Variants in FANCC observed in about 807,000 individuals in gnomAD.
FANCC encodes the protein Fanconi anemia group C protein.
Under a neutral mutation model 71.3 loss-of-function variants are expected in FANCC, and 55 were observed. That is an observed-to-expected ratio of 0.77 (90% confidence interval 0.62 to 0.97). The LOEUF is 0.97. Ranked by LOEUF, FANCC falls within the 50% of genes least tolerant of loss-of-function variation. FANCC has a pLI of 0.00. For missense variants in FANCC, 678 were observed against 670.9 expected, an observed-to-expected ratio of 1.01 and a Z score of -0.12; for synonymous variants, 275 against 244.9, an observed-to-expected ratio of 1.12 and a Z score of -1.15.
intron 6 of FANCC, among the ~76,000 whole-genome samples, chr9:95,162,416 TG>T (rs959826061): frequency 6.6e-6 from 1 of 152,242 alleles, no homozygotes; most frequent in Non-Finnish European, 1.5e-5. Context: ...TCAATGAACA[TG>T]GGTGTGCAAA....
chr9:95,177,068 G>A (rs1564725531), intron 4 of FANCC, among the ~76,000 whole-genome samples: 1 of 152,214 alleles, frequency 6.6e-6, no homozygotes, highest in Non-Finnish European at 1.5e-5. Flanking sequence ...GTATCACTTA[G>A]CAACTGGGAT....
In FANCC at chr9:95,125,165, T is replaced by A. The variant is rs1383010376; in HGVS notation, c.917A>T (p.Asp306Val). 1.2e-6 allele frequency: 2 copies of A among 1,614,056 alleles called. No individual in the cohort carries two copies. Among genetic ancestry groups the A allele is most frequent in the African/African-American group, 2.7e-5 (2 of 74,924 alleles). Residue 306 changes from aspartate (D) to valine (V), a missense_variant, in exon 10 of 15, where the codon GAT (aspartate) becomes GTT (valine). Asp to Val is a radical substitution (Grantham distance 152). Transcript: ENST00000289081. ...AGTGGCTATGATTTCCAGGGCCCCATCGGTTTCCAGGAGTGCACACCTGAA... is the reference window on the plus strand; with the variant it reads ...AGTGGCTATGATTTCCAGGGCCCCAACGGTTTCCAGGAGTGCACACCTGAA... Reference protein sequence around the residue: ...EMFRCALLETDGALEIIATIQ... With the variant: ...EMFRCALLETVGALEIIATIQ...
intron 1 of FANCC, among the ~76,000 whole-genome samples, chr9:95,260,665 T>C (rs965713789): frequency 7.0e-6 from 1 of 143,608 alleles, no homozygotes; most frequent in African/African-American, 2.6e-5. Context: ...ATTCTGCACA[T>C]GTATCTCAGA....
rs760818214 is a variant in FANCC at position 95,135,516 on chromosome 9, A to T, written c.687-14T>A. The T allele has an allele frequency of 4.3e-6, 7 of 1,612,838 alleles. No individual in the cohort carries two copies. The East Asian group carries it at 1.6e-4, about 36-fold the overall frequency. On this transcript the variant is annotated splice_polypyrimidine_tract_variant and intron_variant, in intron 7 of 14. Transcript: ENST00000289081. Reference sequence around the variant, plus strand: ...GAAATCTTCTTCCTTTCAGAAAGAAATAAACAAAATTTTAAACAGAAATGG... The same window carrying T: ...GAAATCTTCTTCCTTTCAGAAAGAATTAAACAAAATTTTAAACAGAAATGG...
chr9:95,300,358 AAAT>A (rs1834646360), intron 1 of FANCC, among the ~76,000 whole-genome samples: 1 of 152,230 alleles, frequency 6.6e-6, no homozygotes, highest in Non-Finnish European at 1.5e-5. Context: ...TTTAAGCCAA[AAAT>A]AATAAAAAGG....
chr9:95,211,152 G>A (rs1828470640), intron 4 of FANCC, among the ~76,000 whole-genome samples: 1 of 152,182 alleles, frequency 6.6e-6, no homozygotes, highest in Non-Finnish European at 1.5e-5. Flanking sequence ...CTGTGATCCT[G>A]AAAGCAGAAA....
At chr9:95,167,083 T>C (rs1825348685) in intron 6 of FANCC, among the ~76,000 whole-genome samples, 1 of 152,160 alleles carries the variant, frequency 6.6e-6, no homozygotes. Context: ...GTATTCTTGA[T>C]TGGAAGGGTT....
intron 6 of FANCC, among the ~76,000 whole-genome samples, chr9:95,165,899 A>G (rs188464144): frequency 6.6e-6 from 1 of 152,070 alleles, no homozygotes; most frequent in Admixed American, 6.5e-5. Flanking sequence ...TTATTGTGTT[A>G]CTGTCTCTTT....
At chr9:95,215,998 C>A (rs569265132) in intron 4 of FANCC, among the ~76,000 whole-genome samples, 3 of 152,282 alleles carry the variant, frequency 2.0e-5, no homozygotes, top group South Asian at 4.1e-4. Context: ...AAGATTTAAA[C>A]CAGCCATATC....
At chr9:95,236,316 G>C (rs145352776) in intron 4 of FANCC, among the ~76,000 whole-genome samples, 189 of 152,282 alleles carry the variant, frequency 1.2e-3, no homozygotes, top group African/African-American at 4.3e-3. Context: ...TGTATCCTCA[G>C]CCTCTATAGT....
At chr9:95,226,109 C>T (rs1829596004) in intron 4 of FANCC, among the ~76,000 whole-genome samples, 2 of 152,130 alleles carry the variant, frequency 1.3e-5, no homozygotes, top group South Asian at 4.1e-4. Flanking sequence ...AAAAAATTTT[C>T]AGACTAAATA....
At chr9:95,292,666 T>G in intron 1 of FANCC, 1 of 1,368,298 alleles carries the variant, frequency 7.3e-7, no homozygotes, top group Non-Finnish European at 1.0e-6. Context: ...AGCCACCGCA[T>G]GCAGTATAGC....
chr9:95,125,673 A>C (rs1029592002), intron 9 of FANCC, among the ~76,000 whole-genome samples: 1 of 152,248 alleles, frequency 6.6e-6, no homozygotes, highest in Non-Finnish European at 1.5e-5. Context: ...AAACAAACAA[A>C]AAAACTCTCA....
intron 5 of FANCC, 96 bp downstream of exon 5, chr9:95,171,941 T>A: frequency 1.3e-6 from 1 of 792,254 alleles, no homozygotes; most frequent in South Asian, 1.5e-5. Context: ...AAGTTAAACA[T>A]CTCTTCTGGA....
chr9:95,213,206 C>T (rs1238916030), intron 4 of FANCC, among the ~76,000 whole-genome samples: 1 of 152,054 alleles, frequency 6.6e-6, no homozygotes, highest in Non-Finnish European at 1.5e-5. Context: ...ATGGGGGTCA[C>T]AATTGTGGCT....
intron 1 of FANCC, among the ~76,000 whole-genome samples, chr9:95,255,304 G>C (rs1202115216): frequency 6.6e-6 from 1 of 152,062 alleles, no homozygotes; most frequent in African/African-American, 2.4e-5. Flanking sequence ...TCATACAGGA[G>C]AGCTCCGGCT....
chr9:95,302,957 A>C (rs1346573142), intron 1 of FANCC, among the ~76,000 whole-genome samples: 1 of 152,230 alleles, frequency 6.6e-6, no homozygotes, highest in Non-Finnish European at 1.5e-5. Context: ...AAAACCTTGA[A>C]GATGTCCACT....
chr9:95,226,797 G>A (rs1467695408), intron 4 of FANCC, among the ~76,000 whole-genome samples: 1 of 152,120 alleles, frequency 6.6e-6, no homozygotes, highest in Non-Finnish European at 1.5e-5. Context: ...ATCTGTGAAG[G>A]ATGTTGTGAT....
chr9:95,117,811 G>A (rs2072548076), intron 10 of FANCC, among the ~76,000 whole-genome samples: 1 of 149,662 alleles, frequency 6.7e-6, no homozygotes, highest in South Asian at 2.1e-4. Context: ...GCAACCTCTG[G>A]CTCCCGGGTT....
Sources: gnomAD v4.1 joint callset for allele counts (sites outside exome capture counted in the v4.1 genomes callset) on GRCh38, gnomAD v4.1.1 for gene constraint, MANE v1.5 for transcripts, NCBI Gene and HGNC (gene_info 2026-07-23, HGNC 2026-07-21) for gene names.